Variants in EVA1A observed in about 807,000 individuals in gnomAD.
EVA1A encodes eva-1 homolog A, regulator of programmed cell death.
A neutral mutation model predicts 9.8 loss-of-function variants in EVA1A; 7 were observed. The observed-to-expected ratio is 0.71, with a 90% CI of 0.41 to 1.34. The LOEUF (loss-of-function observed/expected upper bound fraction) is 1.34, where lower values mean the gene tolerates loss of function less well. Ranked by LOEUF, EVA1A falls within the 40% of genes most tolerant of loss-of-function variation. The pLI is 0.01. For missense variants in EVA1A, 206 were observed against 205.9 expected (o/e 1.00, Z 0.00); for synonymous variants, 90 against 85.6 (o/e 1.05, Z -0.28).
At chr2:75,555,067 T>C (rs1156658539) in intron 1 of EVA1A, among the ~76,000 whole-genome samples, 2 of 152,184 alleles carry the variant, frequency 1.3e-5, no homozygotes, top group African/African-American at 2.4e-5. Flanking sequence ...AATAAATGAG[T>C]AAAGCCTGGG....
chr2:75,564,822 T>G (rs1676996336), upstream of EVA1A, among the ~76,000 whole-genome samples: 1 of 152,212 alleles, frequency 6.6e-6, no homozygotes, highest in African/African-American at 2.4e-5. Flanking sequence ...AAGCTCATTG[T>G]GGCAAATATT....
chr2:75,555,769 T>C (rs1289430396), intron 1 of EVA1A, among the ~76,000 whole-genome samples: 1 of 152,212 alleles, frequency 6.6e-6, no homozygotes, highest in African/African-American at 2.4e-5. Flanking sequence ...GGCCCATCTC[T>C]GCCCTCCAGT....
intron 1 of EVA1A, among the ~76,000 whole-genome samples, 180 bp from the exon 2 acceptor site, chr2:75,522,667 T>G (rs1354548336): frequency 6.6e-6 from 1 of 152,168 alleles, no homozygotes; most frequent in South Asian, 2.1e-4. Context: ...TAATCTGGAA[T>G]TTGAACTAGA....
At position 75,559,022 on chromosome 2, in the gene EVA1A, G is replaced by A. The variant is rs574241426; in HGVS notation, c.-192+1658C>T. 3.4e-3 allele frequency among the ~76,000 whole-genome samples: 516 copies of A among 152,282 alleles called. 2 individuals are homozygous for A. Among genetic ancestry groups the A allele is most frequent in the Non-Finnish European group, 6.0e-3 (406 of 68,028 alleles). On this transcript the variant is annotated intron_variant, in intron 1 of 3. Transcript: ENST00000393913. ...GAGGGAAAGACTGGGACAGAGACTG[G>A]TATAATCAGCCAAACTAGAGCAGAT...
upstream of EVA1A, among the ~76,000 whole-genome samples, chr2:75,564,312 G>A (rs936028958): frequency 3.9e-5 from 6 of 152,230 alleles, no homozygotes; most frequent in Admixed American, 3.9e-4. Flanking sequence ...TGAAGAATTA[G>A]AGGAAGAAAA....
Position 75,499,329 on chromosome 2 carries a change from C to T in EVA1A, c.86-5720G>A, listed in dbSNP as rs557169759. Among the ~76,000 whole-genome samples the T allele has an allele frequency of 6.6e-5, 10 of 152,072 alleles. No homozygotes were observed. The South Asian group carries it at 1.7e-3, about 25-fold the overall frequency. ...AAACATAATTGGAATTGAGCACAAC[C>T]GAGTGAAATAATGGAAGTGGGCATG... On this transcript the variant is annotated intron_variant, in intron 3 of 3. Transcript: ENST00000393913.
intron 1 of EVA1A, among the ~76,000 whole-genome samples, chr2:75,531,589 G>C (rs906284742): frequency 1.3e-5 from 2 of 151,878 alleles, no homozygotes; most frequent in Non-Finnish European, 2.9e-5. Flanking sequence ...CCATAAAAAG[G>C]AAAGAAATAA....
At chr2:75,511,588 T>C (rs1674813442) in intron 3 of EVA1A, among the ~76,000 whole-genome samples, 1 of 152,156 alleles carries the variant, frequency 6.6e-6, no homozygotes, top group Admixed American at 6.5e-5. Flanking sequence ...ACTATACCCT[T>C]GTATTTTCTT....
At chr2:75,559,699 G>T (rs1676846285) in intron 1 of EVA1A, among the ~76,000 whole-genome samples, 1 of 122,136 alleles carries the variant, frequency 8.2e-6, no homozygotes, top group African/African-American at 3.2e-5. Context: ...AAAGGAGGTG[G>T]GGGGGGGGCG....
chr2:75,526,445 C>T (rs1675441759), intron 1 of EVA1A, among the ~76,000 whole-genome samples: 1 of 151,374 alleles, frequency 6.6e-6, no homozygotes, highest in Admixed American at 6.6e-5. Context: ...TTGCTAAGTG[C>T]TACTTAATTT....
chr2:75,532,669 C>A (rs186594550), intron 1 of EVA1A, among the ~76,000 whole-genome samples: 2 of 152,184 alleles, frequency 1.3e-5, no homozygotes, highest in East Asian at 3.9e-4. Context: ...GTCACTGGAG[C>A]TCCAGAATGA....
chr2:75,543,487 C>G (rs1676211495), intron 1 of EVA1A, among the ~76,000 whole-genome samples: 1 of 151,974 alleles, frequency 6.6e-6, no homozygotes, highest in African/African-American at 2.4e-5. Flanking sequence ...GCACAGGGAC[C>G]CAGAGGAAGT....
rs376899892 is a variant in EVA1A at position 75,497,799 on chromosome 2, T to C, written c.86-4190A>G. On this transcript the variant is annotated intron_variant, in intron 3 of 3. Transcript: ENST00000393913. ...CAGGGAAGTAGAGGCTACAGTGAGC[T>C]GAGATTGTACCACTGTACTCCAGTC... 2.0e-3 allele frequency among the ~76,000 whole-genome samples: 266 copies of C among 131,408 alleles called. 6 individuals are homozygous for C. Among genetic ancestry groups the C allele is most frequent in the African/African-American group, 7.7e-3 (258 of 33,436 alleles). 86.2% of individuals were successfully genotyped at this position (131,408 alleles called of 152,430 possible).
At chr2:75,510,727 T>C (rs555333919) in intron 3 of EVA1A, among the ~76,000 whole-genome samples, 40 of 152,282 alleles carry the variant, frequency 2.6e-4, no homozygotes, top group Admixed American at 7.2e-4. Context: ...ATCTGTAATA[T>C]GTAACAGACA....
chr2:75,497,895 C>T (rs1016078233), intron 3 of EVA1A, among the ~76,000 whole-genome samples: 1 of 148,564 alleles, frequency 6.7e-6, no homozygotes, highest in African/African-American at 2.5e-5. Flanking sequence ...ATTAGTTCAG[C>T]CCCTGTGGAA....
intron 1 of EVA1A, among the ~76,000 whole-genome samples, chr2:75,545,978 G>A (rs764104363): frequency 1.8e-4 from 28 of 152,146 alleles, no homozygotes; most frequent in Non-Finnish European, 3.8e-4. Flanking sequence ...GAGCATTCCT[G>A]GAGAAAGACA....
intron 1 of EVA1A, among the ~76,000 whole-genome samples, chr2:75,525,701 A>G (rs975069769): frequency 2.6e-5 from 4 of 152,254 alleles, no homozygotes; most frequent in Non-Finnish European, 4.4e-5. Flanking sequence ...AATGTCCTCA[A>G]TGACACTGAT....
chr2:75,511,189 T>C (rs148523229), intron 3 of EVA1A, among the ~76,000 whole-genome samples: 162 of 152,352 alleles, frequency 1.1e-3, no homozygotes, highest in Non-Finnish European at 1.6e-3. Context: ...ATATATCTTT[T>C]AGGAGTAAAT....
chr2:75,552,222 A>G (rs895947580), intron 1 of EVA1A, among the ~76,000 whole-genome samples: 1 of 152,068 alleles, frequency 6.6e-6, no homozygotes, highest in African/African-American at 2.4e-5. Flanking sequence ...GTAAATCTTG[A>G]AGACTTTTCT....
Sources: allele counts gnomAD v4.1 joint callset (sites outside exome capture counted in the v4.1 genomes callset), GRCh38; gene constraint gnomAD v4.1.1; transcripts MANE v1.5; gene names NCBI Gene and HGNC (gene_info 2026-07-23, HGNC 2026-07-21).